Variants in KCNMA1 observed in about 807,000 individuals in gnomAD.
KCNMA1 encodes potassium calcium-activated channel subfamily M alpha 1, also known as Calcium-activated potassium channel subunit alpha-1.
KCNMA1 carries 29 observed loss-of-function variants against 140.0 expected under a neutral mutation model. The observed-to-expected ratio is 0.21, with a 90% CI of 0.15 to 0.28. The LOEUF (loss-of-function observed/expected upper bound fraction) is 0.28. Ranked by LOEUF, KCNMA1 falls within the 10% of genes least tolerant of loss-of-function variation. The pLI, the probability that KCNMA1 is intolerant of heterozygous loss-of-function variation, is 1.00. For synonymous variants in KCNMA1, 612 were observed against 611.9 expected (o/e 1.00, Z 0.00); for missense variants, 880 against 1,602.2 (o/e 0.55, Z 7.70).
intron 25 of KCNMA1, chr10:76,902,440 G>T (rs1004289566): frequency 4.6e-5 from 7 of 152,166 alleles, no homozygotes; most frequent in Non-Finnish European, 8.8e-5. Context: ...TCCAACTCTG[G>T]CAGGGTTAGT....
At chr10:77,414,390 CACTGATCCCCTCTTA>C (rs1426665075) in intron 1 of KCNMA1, among the ~76,000 whole-genome samples, 1 of 152,178 alleles carries the variant, frequency 6.6e-6, no homozygotes, top group Non-Finnish European at 1.5e-5. Context: ...CTCAGGAGAT[CACTGATCCCCTCTTA>C]CATCTACTGT....
chr10:77,308,565 C>G (rs1218151287), intron 2 of KCNMA1, among the ~76,000 whole-genome samples: 1 of 152,166 alleles, frequency 6.6e-6, no homozygotes, highest in East Asian at 1.9e-4. Context: ...AGCAGCTGTT[C>G]CAGATAACAG....
intron 17 of KCNMA1, among the ~76,000 whole-genome samples, chr10:77,015,821 C>G (rs2091919936): frequency 6.6e-6 from 1 of 151,732 alleles, no homozygotes; most frequent in African/African-American, 2.4e-5. Context: ...CTCCCAAATA[C>G]AGTCTGAATG....
At chr10:77,360,246 C>T (rs148767055) in intron 2 of KCNMA1, among the ~76,000 whole-genome samples, 1 of 152,300 alleles carries the variant, frequency 6.6e-6, no homozygotes, top group Non-Finnish European at 1.5e-5. Flanking sequence ...AGGCCTGGAG[C>T]TATGATTCCA....
chr10:77,255,710 G>A (rs1052522114), intron 2 of KCNMA1, among the ~76,000 whole-genome samples: 4 of 152,046 alleles, frequency 2.6e-5, no homozygotes, highest in Admixed American at 1.3e-4. Context: ...TCAGGAGTTC[G>A]AGACCAGCCT....
At chr10:77,620,519 A>T (rs1224868520) in intron 1 of KCNMA1, among the ~76,000 whole-genome samples, 1 of 152,178 alleles carries the variant, frequency 6.6e-6, no homozygotes, top group African/African-American at 2.4e-5. Flanking sequence ...CTCTTCTCCA[A>T]GGCTCATGCT....
chr10:77,236,968 T>C (rs61639359), intron 3 of KCNMA1, among the ~76,000 whole-genome samples: 3,473 of 152,302 alleles, frequency 0.023, 65 homozygotes, highest in Middle Eastern at 0.099. Context: ...TAAATGCTTG[T>C]TTTTCCTTTC....
At chr10:76,947,372 A>G (rs2064403887) in intron 22 of KCNMA1, among the ~76,000 whole-genome samples, 3 of 152,050 alleles carry the variant, frequency 2.0e-5, no homozygotes, top group African/African-American at 7.2e-5. Context: ...AACAAACAAA[A>G]AAGGTCACAC....
intron 1 of KCNMA1, among the ~76,000 whole-genome samples, chr10:77,555,413 G>A (rs909540959): frequency 6.6e-6 from 1 of 152,132 alleles, no homozygotes; most frequent in African/African-American, 2.4e-5. Context: ...AGCTCTTGGA[G>A]AAATAACCTA....
intron 1 of KCNMA1, among the ~76,000 whole-genome samples, chr10:77,576,755 A>G (rs995148384): frequency 2.0e-5 from 3 of 152,180 alleles, no homozygotes; most frequent in African/African-American, 7.2e-5. Context: ...CAGGACTGCT[A>G]GCCTTCTGCC....
At chr10:77,199,598 T>C (rs532319441) in intron 3 of KCNMA1, among the ~76,000 whole-genome samples, 20 of 152,210 alleles carry the variant, frequency 1.3e-4, no homozygotes, top group Non-Finnish European at 2.1e-4. Flanking sequence ...GTAGCTATTA[T>C]GATCAGTAGT....
chr10:77,531,543 C>T (rs1402981676), intron 1 of KCNMA1, among the ~76,000 whole-genome samples: 1 of 152,196 alleles, frequency 6.6e-6, no homozygotes, highest in Non-Finnish European at 1.5e-5. Context: ...TGCCAGCGCT[C>T]CTGCAAATGC....
chr10:77,382,212 G>A (rs1439301341), intron 2 of KCNMA1, among the ~76,000 whole-genome samples: 16 of 152,056 alleles, frequency 1.1e-4, no homozygotes, highest in Admixed American at 9.2e-4. Flanking sequence ...AGCATGTGAA[G>A]GGAGGTTCTG....
At chr10:77,571,158 C>T (rs2071130761) in intron 1 of KCNMA1, among the ~76,000 whole-genome samples, 1 of 152,162 alleles carries the variant, frequency 6.6e-6, no homozygotes, top group Non-Finnish European at 1.5e-5. Flanking sequence ...AAATACATTA[C>T]CTATTCCATT....
intron 3 of KCNMA1, among the ~76,000 whole-genome samples, chr10:77,239,890 C>T (rs2056807072): frequency 6.6e-6 from 1 of 152,162 alleles, no homozygotes; most frequent in Admixed American, 6.5e-5. Context: ...TTCATGAAAA[C>T]TAAAGCCAGG....
At chr10:77,506,958 T>C (rs1603630800) in intron 1 of KCNMA1, among the ~76,000 whole-genome samples, 1 of 151,984 alleles carries the variant, frequency 6.6e-6, no homozygotes, top group African/African-American at 2.4e-5. Context: ...CTCCTAACCC[T>C]CTCTCTGGCT....
At chr10:77,605,622 G>A (rs1427503348) in intron 1 of KCNMA1, among the ~76,000 whole-genome samples, 1 of 152,184 alleles carries the variant, frequency 6.6e-6, no homozygotes, top group Non-Finnish European at 1.5e-5. Context: ...CGTCAGGGGT[G>A]TTTCAGAAGG....
chr10:77,098,003 A>C (rs952794583), intron 9 of KCNMA1, among the ~76,000 whole-genome samples: 2 of 152,202 alleles, frequency 1.3e-5, no homozygotes, highest in Non-Finnish European at 2.9e-5. Context: ...GAATACCGGG[A>C]TGTCCCACCT....
In KCNMA1 at chr10:77,329,289, C is replaced by G. The variant is rs980770586; in HGVS notation, c.540+74573G>C. Among the ~76,000 whole-genome samples the G allele has an allele frequency of 2.0e-5, 3 of 152,098 alleles. No individual in the cohort carries two copies. The East Asian group carries it at 5.8e-4, about 29-fold the overall frequency. On this transcript the variant is annotated intron_variant, in intron 2 of 27. Coordinates refer to ENST00000286628, the MANE Select transcript of KCNMA1 (RefSeq NM_001161352.2). ...ACTGCTATGGTCTGAATGTTTTGTC[C>G]CCTCAAAATCCATATATTGAAATCC...
Sources: allele counts gnomAD v4.1 joint callset (sites outside exome capture counted in the v4.1 genomes callset), GRCh38; gene constraint gnomAD v4.1.1; transcripts MANE v1.5; gene names NCBI Gene and HGNC (gene_info 2026-07-23, HGNC 2026-07-21).